MLIP: variants seen among roughly 807,000 people sequenced by gnomAD.
MLIP encodes muscular LMNA-interacting protein.
MLIP carries 79 observed loss-of-function variants against 84.8 expected under a neutral mutation model. That is an observed-to-expected ratio of 0.93 (90% CI 0.78 to 1.12). The LOEUF (loss-of-function observed/expected upper bound fraction) is 1.12, where lower values mean the gene tolerates loss of function less well. MLIP is among the 50% of genes most tolerant of loss of function. The pLI, the probability that MLIP is intolerant of heterozygous loss-of-function variation, is 0.00. For missense variants in MLIP, 1,257 were observed against 1,160.6 expected (o/e 1.08, Z -1.21); for synonymous variants, 504 against 463.0 (o/e 1.09, Z -1.14).
chr6:54,249,746 T>TACAC (rs1554193585), intron 12 of MLIP, among the ~76,000 whole-genome samples: 2 of 150,322 alleles, frequency 1.3e-5, no homozygotes, highest in African/African-American at 5.0e-5. Flanking sequence ...TATATATATA[T>TACAC]ACACACACAC....
intron 1 of MLIP, among the ~76,000 whole-genome samples, chr6:54,077,311 C>T (rs1040557876): frequency 3.3e-5 from 5 of 151,834 alleles, no homozygotes; most frequent in African/African-American, 9.7e-5. Flanking sequence ...CTACCCAACC[C>T]TGCTTTTGTA....
At chr6:54,187,426 A>G (rs1777503005) in intron 9 of MLIP, among the ~76,000 whole-genome samples, 2 of 152,226 alleles carry the variant, frequency 1.3e-5, no homozygotes, top group South Asian at 4.1e-4. Flanking sequence ...ACAAATCTGG[A>G]AAAATACCAT....
chr6:54,070,865 T>G (rs1277756042), intron 1 of MLIP, among the ~76,000 whole-genome samples: 2 of 152,216 alleles, frequency 1.3e-5, no homozygotes, highest in African/African-American at 2.4e-5. Context: ...CTATGATTTT[T>G]ATAGGTATCA....
At chr6:54,109,612 C>T (rs551257895), upstream of MLIP, among the ~76,000 whole-genome samples, 1 of 152,194 alleles carries the variant, frequency 6.6e-6, no homozygotes, top group East Asian at 1.9e-4. Context: ...GTTTCCCTTT[C>T]CCCGTTCTTC....
At position 54,202,218 on chromosome 6, in the gene MLIP, C is replaced by T. The variant is rs1778734837; in HGVS notation, c.2703C>T (p.Asp901=). ...GTAAATACTTGGAAGATAACAGCGA[C>T]CTCTTTTCTGAACAGGTGAGCACAT... ...PFSKYLEDNS[D]LFSEQDVTVP... Residue 901 remains aspartate (D), a synonymous_variant, in exon 11 of 14, where the codon GAC becomes GAT. Transcript: ENST00000502396. 6.4e-6 allele frequency: 10 copies of T among 1,571,864 alleles called. No homozygotes were observed. The highest frequency in any genetic ancestry group is 8.6e-6 in the Non-Finnish European group (10 of 1,159,286).
chr6:54,212,102 A>G (rs1204940577), intron 11 of MLIP, among the ~76,000 whole-genome samples: 2 of 152,202 alleles, frequency 1.3e-5, no homozygotes, highest in African/African-American at 4.8e-5. Flanking sequence ...ATGATTCCAG[A>G]TATATCGGCA....
At chr6:54,099,017 A>T (rs1302811659) in intron 1 of MLIP, among the ~76,000 whole-genome samples, 1 of 152,178 alleles carries the variant, frequency 6.6e-6, no homozygotes, top group Non-Finnish European at 1.5e-5. Flanking sequence ...TTTCTTTAAA[A>T]AGTAATGACT....
chr6:54,051,581 G>A (rs1009962879), intron 1 of MLIP, among the ~76,000 whole-genome samples: 4 of 152,022 alleles, frequency 2.6e-5, no homozygotes, highest in African/African-American at 9.7e-5. Context: ...AATTAATCCT[G>A]ATAGTCTCTA....
chr6:54,077,541 T>G (rs1766877939), intron 1 of MLIP, among the ~76,000 whole-genome samples: 1 of 152,178 alleles, frequency 6.6e-6, no homozygotes, highest in African/African-American at 2.4e-5. Flanking sequence ...CTAATACGTG[T>G]TTCAAGATAA....
At chr6:54,021,115 T>C (rs1763476133) in intron 1 of MLIP, among the ~76,000 whole-genome samples, 1 of 152,210 alleles carries the variant, frequency 6.6e-6, no homozygotes, top group Admixed American at 6.5e-5. Context: ...AAAACTTCAG[T>C]TCATCGAGCA....
chr6:54,096,060 A>C (rs1768190472), intron 1 of MLIP, among the ~76,000 whole-genome samples: 1 of 152,194 alleles, frequency 6.6e-6, no homozygotes, highest in Non-Finnish European at 1.5e-5. Context: ...TATGCAAAGT[A>C]AATACCAATT....
intron 13 of MLIP, among the ~76,000 whole-genome samples, chr6:54,258,198 C>T (rs771786905): frequency 6.6e-6 from 1 of 151,974 alleles, no homozygotes. Context: ...AATTTTGCAG[C>T]CTCCAAGTTT....
intron 12 of MLIP, among the ~76,000 whole-genome samples, chr6:54,255,236 C>G (rs1276283991): frequency 1.3e-5 from 2 of 152,182 alleles, no homozygotes; most frequent in Non-Finnish European, 2.9e-5. Context: ...TCTGCATACT[C>G]TCAGTCTAGA....
chr6:54,063,118 A>C (rs544095564), intron 1 of MLIP: 40 of 152,214 alleles, frequency 2.6e-4, no homozygotes, highest in African/African-American at 8.2e-4. Context: ...AGGCAGGAGA[A>C]CTGCTTGAAC....
At chr6:54,028,488 G>A (rs567451875) in intron 1 of MLIP, among the ~76,000 whole-genome samples, 91 of 152,286 alleles carry the variant, frequency 6.0e-4, no homozygotes, top group African/African-American at 2.0e-3. Flanking sequence ...GGAAGAAAAT[G>A]TTAGCATAAA....
intron 12 of MLIP, among the ~76,000 whole-genome samples, chr6:54,252,359 C>T (rs1296397416): frequency 1.9e-5 from 2 of 103,772 alleles, no homozygotes; most frequent in African/African-American, 4.8e-5. Context: ...CTATAATATA[C>T]CATATACTAT....
chr6:54,249,036 A>T (rs1782276564), intron 12 of MLIP, among the ~76,000 whole-genome samples: 1 of 152,148 alleles, frequency 6.6e-6, no homozygotes, highest in African/African-American at 2.4e-5. Flanking sequence ...TCCAGTTAAG[A>T]TTGGGGAGTT....
At chr6:54,251,883 TATAATATAAATATATATTATA>T (rs1782570111) in intron 12 of MLIP, among the ~76,000 whole-genome samples, 2 of 82,624 alleles carry the variant, frequency 2.4e-5, no homozygotes, top group Non-Finnish European at 3.7e-5. Context: ...ACATATAATA[TATAATATAAATATATATTATA>T]ACATATAATA....
chr6:54,143,211 G>A (rs1001137252), intron 4 of MLIP, among the ~76,000 whole-genome samples: 3 of 142,500 alleles, frequency 2.1e-5, no homozygotes, highest in Admixed American at 7.2e-5. Context: ...TCCCTGGGGG[G>A]ATTTGCTTTT....
Sources: gnomAD v4.1 joint callset for allele counts (sites outside exome capture counted in the v4.1 genomes callset) on GRCh38, gnomAD v4.1.1 for gene constraint, MANE v1.5 for transcripts, NCBI Gene and HGNC (gene_info 2026-07-23, HGNC 2026-07-21) for gene names.